SIK3: variants seen among roughly 807,000 people sequenced by gnomAD.
SIK3 encodes SIK family kinase 3, also known as serine/threonine-protein kinase SIK3.
SIK3 carries 28 observed loss-of-function variants against 144.2 expected under a neutral mutation model. The ratio of observed to expected loss-of-function variants is 0.19; its 90% CI spans 0.14 to 0.27. SIK3 has a LOEUF of 0.27. SIK3 is among the 10% of genes least tolerant of loss of function. The probability of loss-of-function intolerance (pLI) is 1.00; values close to 1 mark genes in which losing one functional copy is unlikely to be tolerated. For missense variants in SIK3, 1,319 were observed against 1,776.0 expected (o/e 0.74, Z 4.62); for synonymous variants, 686 against 676.3 (o/e 1.01, Z -0.22).
chr11:117,006,846 C>T (rs1025695181), intron 1 of SIK3, among the ~76,000 whole-genome samples: 1 of 152,104 alleles, frequency 6.6e-6, no homozygotes, highest in Non-Finnish European at 1.5e-5. Context: ...GTAACTTTCA[C>T]AGGAAAGCCC....
intron 21 of SIK3, among the ~76,000 whole-genome samples, chr11:116,852,004 A>G (rs1241722539): frequency 1.3e-5 from 2 of 152,232 alleles, no homozygotes; most frequent in African/African-American, 4.8e-5. Flanking sequence ...CTGATTATAT[A>G]GTTGGATGCA....
intron 1 of SIK3, among the ~76,000 whole-genome samples, chr11:117,023,617 A>ATATATATATATATAT (rs1194910685): frequency 3.7e-5 from 4 of 109,178 alleles, no homozygotes; most frequent in African/African-American, 9.2e-5. Context: ...AACAAAAAAA[A>ATATATATATATATAT]AAAAATATAT....
At chr11:116,870,013 C>A (rs964019288) in intron 14 of SIK3, 3 of 937,240 alleles carry the variant, frequency 3.2e-6, no homozygotes, top group African/African-American at 3.4e-5. Flanking sequence ...CAGGTACGAG[C>A]AGGCTTTGTG....
chr11:117,081,389 C>T (rs899377873), intron 1 of SIK3, among the ~76,000 whole-genome samples: 7 of 152,136 alleles, frequency 4.6e-5, no homozygotes, highest in East Asian at 1.9e-4. Context: ...TTTGGAAGGC[C>T]GAGGCAGGCG....
At chr11:117,082,725 A>AT (rs1954840146) in intron 1 of SIK3, among the ~76,000 whole-genome samples, 1 of 152,192 alleles carries the variant, frequency 6.6e-6, no homozygotes, top group African/African-American at 2.4e-5. Context: ...AGCTCCATGA[A>AT]TACACTTAAA....
chr11:117,096,927 G>C (rs1426696913), intron 1 of SIK3, among the ~76,000 whole-genome samples: 1 of 152,212 alleles, frequency 6.6e-6, no homozygotes, highest in African/African-American at 2.4e-5. Flanking sequence ...GGCAGCAGCT[G>C]TAAGGGTTCT....
chr11:116,876,066 C>T, intron 8 of SIK3, 57 bp from the exon 9 acceptor site: 2 of 1,600,662 alleles, frequency 1.2e-6, no homozygotes, highest in Non-Finnish European at 8.5e-7. Flanking sequence ...ATGTTGATGA[C>T]CAGAACCCTT....
At chr11:116,950,081 T>A (rs1422145755) in intron 3 of SIK3, 1 of 469,910 alleles carries the variant, frequency 2.1e-6, no homozygotes, top group Non-Finnish European at 4.4e-6. Context: ...GTGAAACCAC[T>A]GTCTTAATAC....
At chr11:116,962,019 C>A (rs895827071) in intron 1 of SIK3, among the ~76,000 whole-genome samples, 2 of 152,180 alleles carry the variant, frequency 1.3e-5, no homozygotes, top group African/African-American at 2.4e-5. Flanking sequence ...ACTCAACTCA[C>A]TTTTGTAAGC....
intron 1 of SIK3, among the ~76,000 whole-genome samples, chr11:116,994,949 T>TC (rs1489229003): frequency 6.6e-6 from 1 of 151,436 alleles, no homozygotes; most frequent in Non-Finnish European, 1.5e-5. Context: ...CTACTTTCAC[T>TC]CCTTTTTTTT....
chr11:116,853,891 G>A (rs912301241), intron 21 of SIK3, among the ~76,000 whole-genome samples: 1 of 152,214 alleles, frequency 6.6e-6, no homozygotes, highest in Non-Finnish European at 1.5e-5. Context: ...GGGAGATTAC[G>A]GACAGCATGG....
intron 5 of SIK3, among the ~76,000 whole-genome samples, chr11:116,896,871 C>T (rs1275088081): frequency 6.6e-6 from 1 of 151,870 alleles, no homozygotes; most frequent in Admixed American, 6.6e-5. Context: ...ATTAAAAATA[C>T]AAAAAATTAG....
chr11:117,080,239 C>A (rs960474738), intron 1 of SIK3, among the ~76,000 whole-genome samples: 1 of 152,044 alleles, frequency 6.6e-6, no homozygotes, highest in East Asian at 1.9e-4. Context: ...GGCTATTTGC[C>A]AGGGTTAAAA....
At chr11:116,916,960 T>C (rs1023529314) in intron 4 of SIK3, among the ~76,000 whole-genome samples, 6 of 151,824 alleles carry the variant, frequency 4.0e-5, no homozygotes, top group African/African-American at 1.2e-4. Context: ...AAAAATTTTA[T>C]TGTTTTTTTT....
chr11:116,903,318 G>T (rs1945834753), intron 4 of SIK3, among the ~76,000 whole-genome samples: 1 of 152,166 alleles, frequency 6.6e-6, no homozygotes, highest in African/African-American at 2.4e-5. Context: ...TCTATTTTAG[G>T]TTCTGTTGAT....
At chr11:117,036,172 C>A in intron 1 of SIK3, 1 of 460,710 alleles carries the variant, frequency 2.2e-6, no homozygotes, top group South Asian at 5.2e-5. Context: ...CCTTTCATCT[C>A]AGCCTCCCAA....
chr11:116,957,002 C>G lies in SIK3; in HGVS notation c.336G>C (p.Arg112=). The G allele has an allele frequency of 1.2e-6, 2 of 1,611,198 alleles. No homozygotes were observed. The highest frequency in any genetic ancestry group is 1.7e-6 in the Non-Finnish European group (2 of 1,179,194). ...LDEENLKKIF[R]EVQIMKMLCH... is the part of the protein sequence containing the mutation. ...AAAGCATCTTCATAATTTGAACTTC[C>G]CGGAAAATCTTCTTCAAGTTTTCTT... Residue 112 remains arginine (R), a synonymous_variant, in exon 2 of 25, where the codon CGG becomes CGC. Coordinates refer to ENST00000445177, the MANE Select transcript of SIK3 (RefSeq NM_001366686.3).
At chr11:117,006,535 C>T (rs1951054001) in intron 1 of SIK3, among the ~76,000 whole-genome samples, 1 of 152,100 alleles carries the variant, frequency 6.6e-6, no homozygotes, top group Non-Finnish European at 1.5e-5. Context: ...CTGCGGCTCA[C>T]ACCTGTATTC....
chr11:117,034,771 T>C (rs1463699626), intron 1 of SIK3, among the ~76,000 whole-genome samples: 1 of 152,210 alleles, frequency 6.6e-6, no homozygotes, highest in South Asian at 2.1e-4. Context: ...AGTTCCAGAA[T>C]CTCCTCTTTC....
Sources: gnomAD v4.1 joint callset for allele counts (sites outside exome capture counted in the v4.1 genomes callset) on GRCh38, gnomAD v4.1.1 for gene constraint, MANE v1.5 for transcripts, NCBI Gene and HGNC (gene_info 2026-07-23, HGNC 2026-07-21) for gene names.